Variants in HIBADH observed in about 807,000 individuals in gnomAD.
HIBADH encodes the protein 3-hydroxyisobutyrate dehydrogenase, mitochondrial.
Under a neutral mutation model 36.1 loss-of-function variants are expected in HIBADH, and 25 were observed. The observed-to-expected ratio is 0.69, with a 90% CI of 0.50 to 0.97. The LOEUF (loss-of-function observed/expected upper bound fraction) is 0.97, where lower values mean the gene tolerates loss of function less well. Ranked by LOEUF, HIBADH falls within the 50% of genes least tolerant of loss-of-function variation. The probability of loss-of-function intolerance (pLI) is 0.00; values close to 1 mark genes in which losing one functional copy is unlikely to be tolerated. For missense variants in HIBADH, 421 were observed against 418.0 expected, an observed-to-expected ratio of 1.01 and a Z score of -0.06; for synonymous variants, 160 against 149.5, an observed-to-expected ratio of 1.07 and a Z score of -0.51.
intron 4 of HIBADH, among the ~76,000 whole-genome samples, chr7:27,599,719 A>T (rs1489705291): frequency 6.7e-6 from 1 of 149,954 alleles, no homozygotes; most frequent in Non-Finnish European, 1.5e-5. Context: ...ATTACAGCTG[A>T]ACAACAGAAA....
intron 4 of HIBADH, among the ~76,000 whole-genome samples, chr7:27,578,625 ACTT>A (rs151175085): frequency 0.048 from 7,257 of 152,228 alleles, 589 homozygotes; most frequent in African/African-American, 0.17. Context: ...CCAAATTCTT[ACTT>A]CTTAACATAA....
At chr7:27,621,917 T>C (rs1175399027) in intron 4 of HIBADH, among the ~76,000 whole-genome samples, 1 of 152,170 alleles carries the variant, frequency 6.6e-6, no homozygotes, top group Non-Finnish European at 1.5e-5. Context: ...TGCTCCTGAA[T>C]GACCACTGTG....
intron 4 of HIBADH, among the ~76,000 whole-genome samples, chr7:27,573,387 T>C (rs1784656550): frequency 6.6e-6 from 1 of 152,176 alleles, no homozygotes; most frequent in African/African-American, 2.4e-5. Flanking sequence ...TATATCTCTG[T>C]TATGGCAATT....
intron 4 of HIBADH, among the ~76,000 whole-genome samples, chr7:27,626,137 T>C: frequency 7.2e-6 from 1 of 138,776 alleles, no homozygotes; most frequent in African/African-American, 2.6e-5. Context: ...GATGTACAGT[T>C]TGACAGCTTC....
rs1786203791 is a variant in HIBADH at position 27,651,991 on chromosome 7, A to T, written c.92-2358T>A. On this transcript the variant is annotated intron_variant, in intron 1 of 7. Coordinates refer to ENST00000265395, the MANE Select transcript of HIBADH (RefSeq NM_152740.4). Reference sequence around the variant, plus strand: ...AACTCCATACAGAAAAAGGAACATGAATATATACAAGGAACTAGAAGAGCC... The same window carrying T: ...AACTCCATACAGAAAAAGGAACATGTATATATACAAGGAACTAGAAGAGCC... Among the ~76,000 whole-genome samples, 4 of 152,200 alleles carry T rather than the reference A, an allele frequency of 2.6e-5. No homozygotes were observed. The South Asian group carries it at 8.3e-4, about 31-fold the overall frequency.
intron 2 of HIBADH, among the ~76,000 whole-genome samples, chr7:27,647,987 G>T (rs181760782): frequency 6.6e-6 from 1 of 152,212 alleles, no homozygotes; most frequent in African/African-American, 2.4e-5. Flanking sequence ...GTTTTTAATT[G>T]AAGATATTTC....
intron 6 of HIBADH, among the ~76,000 whole-genome samples, chr7:27,535,069 T>C (rs1214193922): frequency 6.7e-6 from 1 of 148,750 alleles, no homozygotes; most frequent in African/African-American, 2.5e-5. Context: ...TACGATGGCA[T>C]TTTATGAGTT....
chr7:27,568,002 G>T (rs1784573071), intron 4 of HIBADH, among the ~76,000 whole-genome samples: 1 of 152,148 alleles, frequency 6.6e-6, no homozygotes. Context: ...ACTTATGCAG[G>T]AGTTACTGGG....
At chr7:27,573,232 A>ACTAT (rs1196825010) in intron 4 of HIBADH, among the ~76,000 whole-genome samples, 1 of 152,332 alleles carries the variant, frequency 6.6e-6, no homozygotes, top group Non-Finnish European at 1.5e-5. Flanking sequence ...AACTTTGAAT[A>ACTAT]CTATCTCTTC....
intron 4 of HIBADH, among the ~76,000 whole-genome samples, chr7:27,609,358 A>G (rs1477519245): frequency 5.3e-5 from 8 of 152,166 alleles, no homozygotes; most frequent in Non-Finnish European, 1.2e-4. Flanking sequence ...GTAAAAAGAG[A>G]TTTTTATGGG....
intron 4 of HIBADH, among the ~76,000 whole-genome samples, chr7:27,587,924 CACA>C (rs775296638): frequency 6.6e-6 from 1 of 152,080 alleles, no homozygotes; most frequent in Non-Finnish European, 1.5e-5. Flanking sequence ...TAGCAGTTTC[CACA>C]ACATGAGTAG....
intron 4 of HIBADH, among the ~76,000 whole-genome samples, chr7:27,617,642 C>T (rs1785453502): frequency 6.6e-6 from 1 of 152,192 alleles, no homozygotes; most frequent in African/African-American, 2.4e-5. Context: ...GCCAGCTTAA[C>T]CAAGATCAAC....
intron 4 of HIBADH, among the ~76,000 whole-genome samples, chr7:27,580,795 C>T (rs911802573): frequency 2.0e-5 from 3 of 152,088 alleles, no homozygotes; most frequent in East Asian, 1.9e-4. Flanking sequence ...ATCTCAACTA[C>T]CTATTAAGGA....
At position 27,614,301 on chromosome 7, in the gene HIBADH, T is replaced by C. The variant is rs145527086; in HGVS notation, c.484+15070A>G. Among the ~76,000 whole-genome samples, 623 of 152,260 alleles carry C rather than the reference T, an allele frequency of 4.1e-3. 4 individuals carry two copies. The highest frequency in any genetic ancestry group is 0.02 in the Middle Eastern group (6 of 294). On this transcript the variant is annotated intron_variant, in intron 4 of 7. Transcript: ENST00000265395. ...ATATTACAATACAACATTTTAAACA[T>C]AGTATATGCCTGCTACCTGACTGAT...
chr7:27,587,265 T>C (rs574958305), intron 4 of HIBADH, among the ~76,000 whole-genome samples: 6 of 152,200 alleles, frequency 3.9e-5, no homozygotes, highest in Non-Finnish European at 7.3e-5. Flanking sequence ...AGTGGGCTAC[T>C]GTTCTCCACA....
At position 27,600,422 on chromosome 7, in the gene HIBADH, A is replaced by C. The variant is rs946624601; in HGVS notation, c.484+28949T>G. Reference sequence around the variant, plus strand: ...CTAAAGGTCTTTGCCAATCCAACCAACCACAGGAAAAGAGTAAAATCACAC... The same window carrying C: ...CTAAAGGTCTTTGCCAATCCAACCACCCACAGGAAAAGAGTAAAATCACAC... On this transcript the variant is annotated intron_variant, in intron 4 of 7. Coordinates refer to ENST00000265395, the MANE Select transcript of HIBADH (RefSeq NM_152740.4). Among the ~76,000 whole-genome samples, 3 of 152,240 alleles carry C rather than the reference A, an allele frequency of 2.0e-5. No homozygotes were observed. In the South Asian group the frequency reaches 6.2e-4, roughly 32 times the overall value.
At chr7:27,649,419 T>C in intron 2 of HIBADH, 54 bp downstream of exon 2, 1 of 1,398,968 alleles carries the variant, frequency 7.1e-7, no homozygotes. Flanking sequence ...TATTTGAATG[T>C]ATATTCATTT....
chr7:27,532,422 C>T (rs1784015495), intron 6 of HIBADH, among the ~76,000 whole-genome samples: 1 of 152,194 alleles, frequency 6.6e-6, no homozygotes, highest in Admixed American at 6.5e-5. Flanking sequence ...TTGGCACGCT[C>T]AGATTGTTTA....
intron 7 of HIBADH, among the ~76,000 whole-genome samples, chr7:27,528,108 A>C (rs1783938811): frequency 6.6e-6 from 1 of 151,770 alleles, no homozygotes; most frequent in African/African-American, 2.4e-5. Context: ...TTGGGGTGTC[A>C]GAAAGCGCAC....
Sources: gnomAD v4.1 joint callset for allele counts (sites outside exome capture counted in the v4.1 genomes callset) on GRCh38, gnomAD v4.1.1 for gene constraint, MANE v1.5 for transcripts, NCBI Gene and HGNC (gene_info 2026-07-23, HGNC 2026-07-21) for gene names.